ACTN4: variants seen among roughly 807,000 people sequenced by gnomAD.
ACTN4 encodes actinin alpha 4, also known as alpha-actinin-4.
Under a neutral mutation model 114.2 loss-of-function variants are expected in ACTN4, and 18 were observed. The observed-to-expected ratio is 0.16, with a 90% CI of 0.11 to 0.23. The LOEUF (loss-of-function observed/expected upper bound fraction) is 0.23, where lower values mean the gene tolerates loss of function less well. Ranked by LOEUF, ACTN4 falls within the 10% of genes least tolerant of loss-of-function variation. The probability of loss-of-function intolerance (pLI) is 1.00; values close to 1 mark genes in which losing one functional copy is unlikely to be tolerated. For synonymous variants in ACTN4, 515 were observed against 506.3 expected (o/e 1.02, Z -0.23); for missense variants, 722 against 1,262.9 (o/e 0.57, Z 6.49).
chr19:38,652,201 CCAAACT>C (rs1357828388), intron 1 of ACTN4, among the ~76,000 whole-genome samples: 1 of 151,990 alleles, frequency 6.6e-6, no homozygotes, highest in Non-Finnish European at 1.5e-5. Flanking sequence ...AAAAAAGGAA[CCAAACT>C]CAAACTCAAC....
At chr19:38,651,167 AT>A (rs1976550665) in intron 1 of ACTN4, among the ~76,000 whole-genome samples, 1 of 152,234 alleles carries the variant, frequency 6.6e-6, no homozygotes, top group Non-Finnish European at 1.5e-5. Context: ...CTCCAAAAAA[AT>A]ATGCATCCAG....
At position 38,717,398 on chromosome 19, in the gene ACTN4, A is replaced by G; in HGVS notation, c.1143+82A>G. The G allele has an allele frequency of 2.6e-6, 4 of 1,526,906 alleles. No individual in the cohort carries two copies. Among genetic ancestry groups the G allele is most frequent in the Non-Finnish European group, 3.5e-6 (4 of 1,129,180 alleles). The allele number at this position is 1,526,906 out of a possible 1,614,324, so 94.6% of individuals were successfully genotyped here. Reference sequence around the variant, plus strand: ...TGCCTGTGGGCAGTTTGGCCAGCGTAATCTTTCCTAAGTTGTTGATGTCCT... The same window carrying G: ...TGCCTGTGGGCAGTTTGGCCAGCGTGATCTTTCCTAAGTTGTTGATGTCCT... On this transcript the variant is annotated intron_variant, in intron 10 of 20. Transcript: ENST00000252699. The surrounding 1 kb of genome is among the most constrained non-coding windows in gnomAD (Gnocchi z 4.0).
chr19:38,710,392 G>T, intron 8 of ACTN4, 50 bp downstream of exon 8: 1 of 1,581,246 alleles, frequency 6.3e-7, no homozygotes. Flanking sequence ...GCGCAATGCC[G>T]CCGCTGCCTC....
chr19:38,705,247 A>AT (rs1968418479), intron 4 of ACTN4, among the ~76,000 whole-genome samples: 1 of 152,066 alleles, frequency 6.6e-6, no homozygotes, highest in Admixed American at 6.6e-5. Flanking sequence ...TCACAGCCTC[A>AT]TCTCAGTGGA....
At position 38,689,912 on chromosome 19, in the gene ACTN4, A is replaced by C. The variant is rs532630341; in HGVS notation, c.163-10688A>C. Among the ~76,000 whole-genome samples, 7 of 152,280 alleles carry C rather than the reference A, an allele frequency of 4.6e-5. No individual in the cohort carries two copies. The South Asian group carries it at 1.5e-3, about 32-fold the overall frequency. ...AGAGACAGGACTAGCTGGATTTCCTAGGCCGACTAAGAATTGCTAAGCCTA... is the reference window on the plus strand; with the variant it reads ...AGAGACAGGACTAGCTGGATTTCCTCGGCCGACTAAGAATTGCTAAGCCTA... On this transcript the variant is annotated intron_variant, in intron 1 of 20. Coordinates refer to ENST00000252699, the MANE Select transcript of ACTN4 (RefSeq NM_004924.6).
intron 1 of ACTN4, among the ~76,000 whole-genome samples, chr19:38,653,018 G>A (rs1040951274): frequency 6.6e-6 from 1 of 151,514 alleles, no homozygotes; most frequent in African/African-American, 2.4e-5. Context: ...CCTGAGAGGT[G>A]GAGGTTGCAG....
intron 1 of ACTN4, among the ~76,000 whole-genome samples, chr19:38,690,979 C>T (rs1284635975): frequency 6.6e-6 from 1 of 152,202 alleles, no homozygotes; most frequent in African/African-American, 2.4e-5. Flanking sequence ...TGAGTACCTG[C>T]TATGTGAAAG....
At position 38,724,284 on chromosome 19, in the gene ACTN4, G is replaced by A. The variant is rs983048229; in HGVS notation, c.1820G>A (p.Gly607Asp). ...IAESNHIKLS[G>D]SNPYTTVTPQ... ...GAGAGCAACCACATCAAGCTGTCGG[G>A]CAGCAACCCCTACACCACCGTCACC... The change falls in exon 15 of 21, where the codon GGC (glycine) becomes GAC (aspartate). Residue 607 changes from glycine (G) to aspartate (D), a missense_variant. By Grantham distance (94) the Gly-to-Asp change is moderately conservative. Around this residue, in one of 3 missense-constraint regions of ACTN4, gnomAD observed 523 missense variants for 875.9 expected, o/e 0.60. Coordinates refer to ENST00000252699, the MANE Select transcript of ACTN4 (RefSeq NM_004924.6). The surrounding 1 kb of genome is among the most constrained non-coding windows in gnomAD (Gnocchi z 7.0). The A allele has an allele frequency of 3.7e-6, 6 of 1,613,776 alleles. No individual in the cohort carries two copies. The highest frequency in any genetic ancestry group is 5.1e-6 in the Non-Finnish European group (6 of 1,180,034).
At chr19:38,711,099 GCACCCTATTCGGACTC>G (rs1968633097) in intron 8 of ACTN4, 1 of 158,858 alleles carries the variant, frequency 6.3e-6, no homozygotes, top group Non-Finnish European at 1.4e-5. Context: ...GAAAAGGAAT[GCACCCTATTCGGACTC>G]CACAAAACCC....
In ACTN4 at chr19:38,731,413, G is replaced by C. The variant is rs1304542629; in HGVS notation, c.*1981G>C. On this transcript the variant is annotated 3_prime_UTR_variant, in exon 21 of 21. Transcript: ENST00000252699. ...GGCCTGTTTCCTCATCCATCAAACGGACTAAGACAGCCCCGACCCCATAGG... is the reference window on the plus strand; with the variant it reads ...GGCCTGTTTCCTCATCCATCAAACGCACTAAGACAGCCCCGACCCCATAGG... 2 of 616,938 alleles carry C rather than the reference G, an allele frequency of 3.2e-6. No individual in the cohort carries two copies. Among genetic ancestry groups the C allele is most frequent in the Non-Finnish European group, 5.9e-6 (2 of 339,950 alleles). 38.2% of individuals were successfully genotyped at this position (616,938 alleles called of 1,614,324 possible). A position where few individuals can be genotyped will look rare whatever the true frequency, so the allele number is the denominator to read the frequency against.
chr19:38,711,243 CCTCTCTCTCTCTTT>C (rs780526784), intron 8 of ACTN4: 8 of 921,328 alleles, frequency 8.7e-6, no homozygotes, highest in Admixed American at 6.0e-5. Flanking sequence ...CTCTCTCCTG[CCTCTCTCTCTCTTT>C]CTCTCTCTCT....
intron 19 of ACTN4, among the ~76,000 whole-genome samples, chr19:38,728,564 G>T (rs1478281287): frequency 1.3e-5 from 2 of 151,942 alleles, no homozygotes; most frequent in East Asian, 3.9e-4. Flanking sequence ...CCGGGGTGGG[G>T]TCCCTCCGAT....
At chr19:38,691,482 C>T (rs1967929293) in intron 1 of ACTN4, among the ~76,000 whole-genome samples, 1 of 151,230 alleles carries the variant, frequency 6.6e-6, no homozygotes, top group African/African-American at 2.4e-5. Context: ...ATGACAGAGT[C>T]CAGGAAGGCC....
chr19:38,708,654 A>G (rs1399911877), intron 6 of ACTN4, among the ~76,000 whole-genome samples: 1 of 152,108 alleles, frequency 6.6e-6, no homozygotes, highest in Non-Finnish European at 1.5e-5. Context: ...CTCGTGGGGG[A>G]AGGCAGGACA....
intron 1 of ACTN4, among the ~76,000 whole-genome samples, chr19:38,650,363 T>G (rs1976524817): frequency 6.6e-6 from 1 of 152,070 alleles, no homozygotes; most frequent in Admixed American, 6.6e-5. Flanking sequence ...ATTCAGGCCC[T>G]GGGTGGAAAC....
At chr19:38,723,215 CT>C (rs1336651968) in intron 12 of ACTN4, among the ~76,000 whole-genome samples, 1 of 152,198 alleles carries the variant, frequency 6.6e-6, no homozygotes, top group Non-Finnish European at 1.5e-5. Flanking sequence ...TGTCCGCTGT[CT>C]GTGGCTGGCT....
At chr19:38,675,630 C>T (rs1292564043) in intron 1 of ACTN4, among the ~76,000 whole-genome samples, 1 of 152,240 alleles carries the variant, frequency 6.6e-6, no homozygotes, top group Non-Finnish European at 1.5e-5. Context: ...CTGTGGAAGC[C>T]TCCACCTATC....
At chr19:38,661,628 A>C (rs181946341) in intron 1 of ACTN4, among the ~76,000 whole-genome samples, 165 of 152,304 alleles carry the variant, frequency 1.1e-3, no homozygotes, top group Middle Eastern at 3.4e-3. Flanking sequence ...TAAGTATTGT[A>C]GAAGATGGCA....
intron 11 of ACTN4, among the ~76,000 whole-genome samples, chr19:38,720,110 C>G (rs1295423067): frequency 6.6e-6 from 1 of 152,246 alleles, no homozygotes; most frequent in Admixed American, 6.5e-5. Flanking sequence ...GCCCTCCACA[C>G]CCCAGGGTCT....
Sources: gnomAD v4.1 joint callset for allele counts (sites outside exome capture counted in the v4.1 genomes callset) on GRCh38, gnomAD v4.1.1 for gene constraint, gnomAD v4.1.1 regional missense constraint, Gnocchi (gnomAD v3.1) non-coding constraint, MANE v1.5 for transcripts, NCBI Gene and HGNC (gene_info 2026-07-23, HGNC 2026-07-21) for gene names.